The following NEK10 variants were observed in gnomAD, a reference collection of about 807,000 sequenced individuals.
The protein encoded by NEK10 is NIMA related kinase 10.
In NEK10, 122 loss-of-function variants were observed where a neutral mutation model predicts 159.8. The observed-to-expected ratio is 0.76, with a 90% confidence interval of 0.66 to 0.89. The LOEUF is 0.89. Ranked by LOEUF, NEK10 falls within the 40% of genes least tolerant of loss-of-function variation. The probability of loss-of-function intolerance (pLI) is 0.00; values close to 1 mark genes in which losing one functional copy is unlikely to be tolerated. For synonymous variants in NEK10, 466 were observed against 457.1 expected (o/e 1.02, Z -0.25); for missense variants, 1,342 against 1,323.1 (o/e 1.01, Z -0.22).
chr3:27,226,946 G>A (rs1952705397), intron 23 of NEK10, among the ~76,000 whole-genome samples: 1 of 152,048 alleles, frequency 6.6e-6, no homozygotes, highest in Non-Finnish European at 1.5e-5. Flanking sequence ...TCTTCAAAGT[G>A]TATATCCTAC....
At chr3:27,358,063 A>T (rs1327171746) in intron 1 of NEK10, among the ~76,000 whole-genome samples, 2 of 152,256 alleles carry the variant, frequency 1.3e-5, no homozygotes, top group South Asian at 4.1e-4. Context: ...ATTAGGCCAA[A>T]AACTTTGGCT....
chr3:27,311,657 ACACT>A (rs1038705282), intron 8 of NEK10: 4 of 189,088 alleles, frequency 2.1e-5, no homozygotes, highest in African/African-American at 9.6e-5. Context: ...GGAATACCTC[ACACT>A]CACAGTCCAA....
At chr3:27,171,285 C>T (rs2148864205) in intron 29 of NEK10, among the ~76,000 whole-genome samples, 1 of 152,302 alleles carries the variant, frequency 6.6e-6, no homozygotes. Flanking sequence ...TTCACCATCC[C>T]TTGCAACTAG....
rs1337483105 is a variant in NEK10, at chr3:27,291,309, C to A, written c.1558G>T (p.Ala520Ser). The A allele has an allele frequency of 6.2e-7, 1 of 1,613,654 alleles. No homozygotes were observed. Among genetic ancestry groups the A allele is most frequent in the Admixed American group, 1.7e-5 (1 of 59,978 alleles). ...CCACTTCCAAGATGATCCAAAATTG[C>A]ATAGTTGCCTATATATTTCAAAGGA... ...KAPLKYIGNYAILDHLGSGAF... is the reference protein window; with the variant it reads ...KAPLKYIGNYSILDHLGSGAF... The change falls in exon 18 of 36, where the codon GCA becomes TCA. Residue 520 changes from alanine to serine, a missense_variant. Coordinates refer to ENST00000691995, the MANE Select transcript of NEK10 (RefSeq NM_001394966.1).
intron 23 of NEK10, among the ~76,000 whole-genome samples, chr3:27,244,259 G>A (rs1954842663): frequency 6.6e-6 from 1 of 152,150 alleles, no homozygotes; most frequent in Non-Finnish European, 1.5e-5. Flanking sequence ...AAGTTTGGAG[G>A]CACAGAGAAA....
At chr3:27,112,292 A>G (rs529643638) in intron 35 of NEK10, among the ~76,000 whole-genome samples, 133 of 152,290 alleles carry the variant, frequency 8.7e-4, no homozygotes, top group African/African-American at 3.2e-3. Context: ...AACTAAATAT[A>G]AACCCTATAA....
At chr3:27,346,478 C>T (rs1271082459) in intron 3 of NEK10, among the ~76,000 whole-genome samples, 1 of 152,124 alleles carries the variant, frequency 6.6e-6, no homozygotes, top group East Asian at 1.9e-4. Context: ...TTTTAGTCTC[C>T]CTTGATTACA....
intron 23 of NEK10, among the ~76,000 whole-genome samples, chr3:27,221,877 A>C (rs564923736): frequency 6.6e-6 from 1 of 152,306 alleles, no homozygotes; most frequent in East Asian, 1.9e-4. Context: ...AGACCTCCTT[A>C]GGGAGGGCTT....
At chr3:27,204,715 G>T (rs71323269) in intron 23 of NEK10, among the ~76,000 whole-genome samples, 4,269 of 136,448 alleles carry the variant, frequency 0.031, 103 homozygotes, top group African/African-American at 0.039. Flanking sequence ...ATCATTGTTG[G>T]ACATTTGGGT....
At chr3:27,351,622 G>T (rs1227484660) in intron 3 of NEK10, among the ~76,000 whole-genome samples, 1 of 152,054 alleles carries the variant, frequency 6.6e-6, no homozygotes, top group Non-Finnish European at 1.5e-5. Flanking sequence ...AGTATAAGCA[G>T]ATAAAAATGC....
At chr3:27,199,270 AAAAC>A (rs1949835279) in intron 25 of NEK10, among the ~76,000 whole-genome samples, 2 of 152,088 alleles carry the variant, frequency 1.3e-5, no homozygotes, top group African/African-American at 4.8e-5. Context: ...TTACAAGAGA[AAAAC>A]AACCCCATTA....
chr3:27,367,086 C>T (rs1340906090), intron 1 of NEK10, among the ~76,000 whole-genome samples: 2 of 151,882 alleles, frequency 1.3e-5, no homozygotes, highest in Admixed American at 6.6e-5. Flanking sequence ...CTGGGATTCA[C>T]GGCATGAGCC....
rs558539981 is a variant in NEK10 at position 27,202,900 on chromosome 3, C to A, written c.2091-343G>T. 3.3e-5 allele frequency among the ~76,000 whole-genome samples: 5 copies of A among 152,274 alleles called. No homozygotes were observed. In the East Asian group the frequency reaches 9.7e-4, roughly 29 times the overall value. On this transcript the variant is annotated intron_variant, in intron 23 of 35. Transcript: ENST00000691995. ...CTCTGGGAGCTTCTGTACATCCCATCCTTGTGGTAGCCTCTTCTGGGCAGT... is the reference window on the plus strand; with the variant it reads ...CTCTGGGAGCTTCTGTACATCCCATACTTGTGGTAGCCTCTTCTGGGCAGT...
intron 3 of NEK10, among the ~76,000 whole-genome samples, chr3:27,348,988 C>G (rs2047772876): frequency 6.6e-6 from 1 of 152,174 alleles, no homozygotes; most frequent in South Asian, 2.1e-4. Flanking sequence ...ACATCATATA[C>G]CAGACATTGC....
In NEK10 at chr3:27,215,029, A is replaced by T. The variant is rs1951369004; in HGVS notation, c.2091-12472T>A. ...AAGCTCCAACTCCGACCTGTTCCCC[A>T]CCGGCGCCTCCAGCTTTCCTCTTGG... On this transcript the variant is annotated intron_variant, in intron 23 of 35. Transcript: ENST00000691995. The T allele has an allele frequency of 8.4e-6, 5 of 595,146 alleles. No individual in the cohort carries two copies. In the East Asian group the frequency reaches 1.1e-4, roughly 13 times the overall value. The allele number at this position is 595,146 out of a possible 1,614,324, so 36.9% of individuals were successfully genotyped here. A position where few individuals can be genotyped will look rare whatever the true frequency, so the allele number is the denominator to read the frequency against.
chr3:27,336,208 C>A lies in NEK10; in HGVS notation c.362+8064G>T, dbSNP rs116965364. ...CAAAAATACAAAAGATCATCAGAGA[C>A]TATTATGAACAATTATATGCTAACA... On this transcript the variant is annotated intron_variant, in intron 5 of 35. Transcript: ENST00000691995. Among the ~76,000 whole-genome samples, 21 of 152,118 alleles carry A rather than the reference C, an allele frequency of 1.4e-4. No homozygotes were observed. In the East Asian group the frequency reaches 3.5e-3, roughly 25 times the overall value.
intron 22 of NEK10, among the ~76,000 whole-genome samples, chr3:27,276,299 A>G (rs2041767012): frequency 6.6e-6 from 1 of 152,050 alleles, no homozygotes; most frequent in Non-Finnish European, 1.5e-5. Flanking sequence ...AGGCAAGCCC[A>G]GTGTACTAAG....
intron 22 of NEK10, among the ~76,000 whole-genome samples, chr3:27,273,399 C>T (rs116323039): frequency 6.6e-6 from 1 of 152,166 alleles, no homozygotes; most frequent in East Asian, 1.9e-4. Context: ...TAGAAGTAGA[C>T]ATGGTTCATT....
chr3:27,119,699 T>A, intron 33 of NEK10, 61 bp downstream of exon 33: 1 of 1,257,562 alleles, frequency 8.0e-7, no homozygotes, highest in Non-Finnish European at 1.2e-6. Context: ...TAGAAATAGC[T>A]GTTGATCCAA....
Sources: gnomAD v4.1 joint callset for allele counts (sites outside exome capture counted in the v4.1 genomes callset) on GRCh38, gnomAD v4.1.1 for gene constraint, MANE v1.5 for transcripts, NCBI Gene and HGNC (gene_info 2026-07-23, HGNC 2026-07-21) for gene names.